Variants in GGACT observed in about 807,000 individuals in gnomAD.
GGACT encodes the protein gamma-glutamylamine cyclotransferase.
For synonymous variants in GGACT, 118 were observed against 115.3 expected (o/e 1.02, Z -0.15); for missense variants, 241 against 233.2 (o/e 1.03, Z -0.22).
At chr13:100,543,925 G>C (rs1201083802) in intron 2 of GGACT, among the ~76,000 whole-genome samples, 2 of 152,204 alleles carry the variant, frequency 1.3e-5, no homozygotes, top group Non-Finnish European at 2.9e-5. Flanking sequence ...GGGCCCACCA[G>C]ACTCACGAAG....
At chr13:100,584,134 G>A (rs1875497245) in intron 1 of GGACT, 137 bp from the exon 2 acceptor site, 1 of 152,132 alleles carries the variant, frequency 6.6e-6, no homozygotes, top group African/African-American at 2.4e-5. Flanking sequence ...CCCAGGGAAG[G>A]AATATACTTA....
intron 2 of GGACT, among the ~76,000 whole-genome samples, chr13:100,553,247 C>A (rs837314): frequency 0.56 from 84,805 of 151,934 alleles, 24,132 homozygotes; most frequent in East Asian, 0.8. Context: ...GAAAGCTGAG[C>A]CTGTGTGTCC....
At chr13:100,543,196 G>GATT (rs1566530390) in intron 2 of GGACT, among the ~76,000 whole-genome samples, 1 of 63,666 alleles carries the variant, frequency 1.6e-5, no homozygotes, top group African/African-American at 6.5e-5. Flanking sequence ...AAAGACACCA[G>GATT]CTTTTTTTTT....
In GGACT at chr13:100,532,530, C is replaced by T. The variant is rs569871962; in HGVS notation, c.62G>A (p.Arg21Gln). The part of the protein sequence containing the change: ...KRGQPNHRVL[R>Q]DGAHGSAAFR... ...GGCTGCGGAGCCGTGGGCGCCGTCC[C>T]GCAGGACCCTGTGGTTGGGCTGACC... The change falls in exon 3 of 3, where the codon CGG becomes CAG. Residue 21 changes from arginine (R) to glutamine (Q), a missense_variant. By Grantham distance (43) the Arg-to-Gln change is conservative. Coordinates refer to ENST00000683975, the MANE Select transcript of GGACT (RefSeq NM_001195087.2). 2.3e-5 allele frequency: 36 copies of T among 1,548,134 alleles called. No homozygotes were observed. Among genetic ancestry groups the T allele is most frequent in the East Asian group, 2.2e-4 (9 of 40,828 alleles).
rs371355932 is a variant in GGACT, at chr13:100,567,542, C to A, written c.-11+16283G>T. Among the ~76,000 whole-genome samples the A allele has an allele frequency of 1.1e-4, 16 of 152,324 alleles. No individual in the cohort carries two copies. The South Asian group carries it at 3.1e-3, about 30-fold the overall frequency. ...CCAAGGAGCTCTTGTTCTCTTGTAG[C>A]AAATGGTATTTAGATGCCAAGATCT... On this transcript the variant is annotated intron_variant, in intron 2 of 2. Transcript: ENST00000683975.
chr13:100,587,952 G>T (rs192363739), intron 1 of GGACT, among the ~76,000 whole-genome samples: 188 of 152,322 alleles, frequency 1.2e-3, no homozygotes, highest in African/African-American at 4.3e-3. Context: ...CTTGAACCCG[G>T]AAGGCAGAGG....
chr13:100,588,328 G>A (rs1875643868), intron 1 of GGACT, among the ~76,000 whole-genome samples: 1 of 152,164 alleles, frequency 6.6e-6, no homozygotes, highest in Admixed American at 6.5e-5. Context: ...CTTACAAACA[G>A]GAAATCTTTA....
chr13:100,573,269 C>A (rs989757491), intron 2 of GGACT, among the ~76,000 whole-genome samples: 1 of 152,124 alleles, frequency 6.6e-6, no homozygotes, highest in Non-Finnish European at 1.5e-5. Context: ...ATTCTAAACA[C>A]CCTGGACTAA....
chr13:100,549,487 C>T (rs1329193988), intron 2 of GGACT, among the ~76,000 whole-genome samples: 2 of 152,234 alleles, frequency 1.3e-5, no homozygotes, highest in East Asian at 1.9e-4. Context: ...AACATGAAAT[C>T]AGGAGCTAAA....
chr13:100,559,195 T>C (rs1182088138), intron 2 of GGACT, among the ~76,000 whole-genome samples: 1 of 152,204 alleles, frequency 6.6e-6, no homozygotes, highest in Non-Finnish European at 1.5e-5. Flanking sequence ...ATTCATTCAT[T>C]AATTCATTTT....
Position 100,555,546 on chromosome 13 carries a change from G to GA in GGACT, c.-10-22946dup, listed in dbSNP as rs201611760. On this transcript the variant is annotated intron_variant, in intron 2 of 2. Transcript: ENST00000683975. ...CCCCATCTCAGGTTTTTTTTAAAAA[G>GA]AAAAAAATCTGGGTATGGTGGCTCA... Among the ~76,000 whole-genome samples the GA allele has an allele frequency of 6.5e-3, 979 of 151,540 alleles. 12 individuals carry two copies. Among genetic ancestry groups the GA allele is most frequent in the African/African-American group, 0.023 (937 of 41,328 alleles).
chr13:100,543,624 A>G (rs565051345), intron 2 of GGACT, among the ~76,000 whole-genome samples: 1 of 152,250 alleles, frequency 6.6e-6, no homozygotes, highest in Non-Finnish European at 1.5e-5. Flanking sequence ...TCATCATGTC[A>G]AAGCATCTGT....
intron 2 of GGACT, among the ~76,000 whole-genome samples, chr13:100,556,698 C>A (rs923880312): frequency 6.6e-6 from 1 of 151,890 alleles, no homozygotes; most frequent in African/African-American, 2.4e-5. Flanking sequence ...TGCTTGAGGG[C>A]ATGGATAACC....
intron 2 of GGACT, among the ~76,000 whole-genome samples, chr13:100,547,394 T>C (rs1326736176): frequency 2.6e-5 from 4 of 152,222 alleles, no homozygotes; most frequent in East Asian, 3.8e-4. Flanking sequence ...CCATGGGGGA[T>C]ACATTTGTCA....
At chr13:100,577,814 T>C (rs1183935014) in intron 2 of GGACT, among the ~76,000 whole-genome samples, 2 of 146,782 alleles carry the variant, frequency 1.4e-5, no homozygotes, top group African/African-American at 2.5e-5. Context: ...AGAAGGAAAG[T>C]AGGGAGGGAT....
intron 2 of GGACT, among the ~76,000 whole-genome samples, chr13:100,570,646 T>C (rs1875054350): frequency 6.6e-6 from 1 of 152,072 alleles, no homozygotes; most frequent in Non-Finnish European, 1.5e-5. Flanking sequence ...ATCCTCTAGG[T>C]TTATAAAATC....
intron 2 of GGACT, among the ~76,000 whole-genome samples, chr13:100,565,414 C>T (rs142575863): frequency 1.1e-3 from 163 of 152,248 alleles, no homozygotes; most frequent in African/African-American, 3.7e-3. Context: ...GTAGTGCTTA[C>T]GAGACGTAAC....
At chr13:100,561,222 T>C (rs770983622) in intron 2 of GGACT, among the ~76,000 whole-genome samples, 1 of 152,256 alleles carries the variant, frequency 6.6e-6, no homozygotes. Context: ...CGTTGTGTTA[T>C]ATTTCATTTT....
chr13:100,550,352 A>ACC (rs2088650327), intron 2 of GGACT, among the ~76,000 whole-genome samples: 1 of 23,636 alleles, frequency 4.2e-5, no homozygotes, highest in African/African-American at 1.2e-4. Context: ...ACACACACAC[A>ACC]CACCACTGGC....
Sources: allele counts gnomAD v4.1 joint callset (sites outside exome capture counted in the v4.1 genomes callset), GRCh38; gene constraint gnomAD v4.1.1; transcripts MANE v1.5; gene names NCBI Gene and HGNC (gene_info 2026-07-23, HGNC 2026-07-21).